Variants in DNM3 observed in about 807,000 individuals in gnomAD.
The protein encoded by DNM3 is dynamin-3.
In DNM3, 47 loss-of-function variants were observed where a neutral mutation model predicts 101.6. That is an observed-to-expected ratio of 0.46 (90% CI 0.37 to 0.59). The LOEUF is 0.59. DNM3 is among the 20% of genes least tolerant of loss of function. DNM3 has a pLI of 0.00. For synonymous variants in DNM3, 385 were observed against 387.9 expected (o/e 0.99, Z 0.09); for missense variants, 849 against 1,085.7 (o/e 0.78, Z 3.06).
chr1:172,308,674 G>T, intron 15 of DNM3, 54 bp from the exon 16 acceptor site: 3 of 918,702 alleles, frequency 3.3e-6, no homozygotes, highest in South Asian at 4.8e-5. Context: ...AACATAAAAT[G>T]ACTTTGAATT....
At chr1:171,860,638 G>A (rs1290162101) in intron 1 of DNM3, among the ~76,000 whole-genome samples, 5 of 152,048 alleles carry the variant, frequency 3.3e-5, no homozygotes, top group Non-Finnish European at 7.4e-5. Flanking sequence ...ATGGATTGGA[G>A]GCAGGCAAAG....
At chr1:171,917,539 C>T (rs1214761608) in intron 1 of DNM3, among the ~76,000 whole-genome samples, 3 of 152,074 alleles carry the variant, frequency 2.0e-5, no homozygotes, top group Admixed American at 6.6e-5. Context: ...TGAAGATTAA[C>T]GCTTTATTGA....
In DNM3 at chr1:172,033,254, G is replaced by T; in HGVS notation, c.838G>T (p.Val280Phe). Residue 280 changes from valine to phenylalanine, a missense_variant, in exon 6 of 21, where the codon GTC becomes TTC. Val to Phe is a conservative substitution (Grantham distance 50, BLOSUM62 -1). This residue lies in a region of DNM3 where 388 missense variants were observed against 483.0 expected (regional missense o/e 0.80). Coordinates refer to ENST00000627582, the MANE Select transcript of DNM3 (RefSeq NM_015569.5). ...DRMGTPHLQK[V>F]LNQQLTNHIR... ...AATGGGAACCCCACACCTGCAGAAGGTCCTTAATCAGGTAAAAATGTTCTT... is the reference window on the plus strand; with the variant it reads ...AATGGGAACCCCACACCTGCAGAAGTTCCTTAATCAGGTAAAAATGTTCTT... 1 of 1,598,508 alleles carries T rather than the reference G, an allele frequency of 6.3e-7. No individual in the cohort carries two copies. The highest frequency in any genetic ancestry group is 1.1e-5 in the South Asian group (1 of 88,280).
intron 10 of DNM3, among the ~76,000 whole-genome samples, chr1:172,052,208 TCACAGCCACACCC>T (rs2050253029): frequency 6.6e-6 from 1 of 152,166 alleles, no homozygotes; most frequent in Non-Finnish European, 1.5e-5. Context: ...TTACCTGTAT[TCACAGCCACACCC>T]CCTTCTTATC....
At chr1:172,262,802 T>C (rs1015522223) in intron 15 of DNM3, among the ~76,000 whole-genome samples, 2 of 152,226 alleles carry the variant, frequency 1.3e-5, no homozygotes, top group African/African-American at 4.8e-5. Flanking sequence ...TTTTCTTTGC[T>C]AGTGGATAGA....
chr1:172,265,492 A>G (rs745433546), intron 15 of DNM3, among the ~76,000 whole-genome samples: 2 of 152,172 alleles, frequency 1.3e-5, no homozygotes, highest in Non-Finnish European at 2.9e-5. Flanking sequence ...TCTTTTAAAG[A>G]TGGCATCATA....
intron 6 of DNM3, among the ~76,000 whole-genome samples, chr1:172,035,846 C>A (rs1270851635): frequency 1.3e-5 from 2 of 151,960 alleles, no homozygotes; most frequent in Non-Finnish European, 2.9e-5. Flanking sequence ...TTACTGCAAG[C>A]AAGGGGGTAA....
At chr1:172,005,793 T>G (rs530491241) in intron 4 of DNM3, among the ~76,000 whole-genome samples, 1 of 152,110 alleles carries the variant, frequency 6.6e-6, no homozygotes, top group Admixed American at 6.6e-5. Context: ...ATTGACTTAA[T>G]GGAAACTTTT....
At chr1:171,916,275 G>T (rs2039703082) in intron 1 of DNM3, among the ~76,000 whole-genome samples, 1 of 152,120 alleles carries the variant, frequency 6.6e-6, no homozygotes, top group African/African-American at 2.4e-5. Context: ...CATCTGTAAA[G>T]TAAGAATAAC....
Position 172,253,603 on chromosome 1 carries a change from G to A in DNM3, c.1690G>A (p.Asp564Asn). 6.3e-7 allele frequency: 1 copy of A among 1,587,182 alleles called. No individual in the cohort carries two copies. Among genetic ancestry groups the A allele is most frequent in the Non-Finnish European group, 8.6e-7 (1 of 1,167,094 alleles). ...EKEKKYMLPL[D>N]NLKVRDVEKS... Reference sequence around the variant, plus strand: ...AGAAAAGAAGTACATGCTTCCCTTGGACAACCTGAAAGTTCGGGATGTGGA... The same window carrying A: ...AGAAAAGAAGTACATGCTTCCCTTGAACAACCTGAAAGTTCGGGATGTGGA... Residue 564 changes from aspartate to asparagine, a missense_variant, in exon 15 of 21, where the codon GAC (aspartate) becomes AAC (asparagine). Around this residue, in one of 5 missense-constraint regions of DNM3, gnomAD observed 193 missense variants for 238.4 expected, o/e 0.81. Coordinates refer to ENST00000627582, the MANE Select transcript of DNM3 (RefSeq NM_015569.5).
chr1:172,042,909 C>T (rs1305611717), intron 8 of DNM3, among the ~76,000 whole-genome samples: 3 of 152,094 alleles, frequency 2.0e-5, no homozygotes, highest in Non-Finnish European at 4.4e-5. Context: ...GAATAGTATG[C>T]CTGCTGGATT....
chr1:172,056,597 C>G (rs1253784970), intron 10 of DNM3, among the ~76,000 whole-genome samples: 1 of 152,036 alleles, frequency 6.6e-6, no homozygotes, highest in Non-Finnish European at 1.5e-5. Flanking sequence ...ACACCTCACA[C>G]GGCAGGGTAC....
chr1:172,292,601 T>TCACA (rs3079013), intron 15 of DNM3, among the ~76,000 whole-genome samples: 48,812 of 148,548 alleles, frequency 0.33, 9,360 homozygotes, highest in East Asian at 0.45. Flanking sequence ...ATAGAAGACT[T>TCACA]CACACACACA....
intron 13 of DNM3, among the ~76,000 whole-genome samples, chr1:172,120,488 C>T (rs2056237151): frequency 6.6e-6 from 1 of 152,140 alleles, no homozygotes; most frequent in Non-Finnish European, 1.5e-5. Context: ...ACTTGAAAGC[C>T]TTCCCATTTC....
At chr1:172,024,766 C>T (rs2048082208) in intron 4 of DNM3, among the ~76,000 whole-genome samples, 1 of 152,200 alleles carries the variant, frequency 6.6e-6, no homozygotes, top group South Asian at 2.1e-4. Context: ...GGGTGCATTC[C>T]AGCTCAGATA....
Position 172,036,252 on chromosome 1 carries a change from G to A in DNM3, c.850-2067G>A, listed in dbSNP as rs1201360890. ...TTCCCACCTATGAGTGAGAACATGC[G>A]GTGTTTGGTTTTTTGTTCTTGCGAT... On this transcript the variant is annotated intron_variant, in intron 6 of 20. Coordinates refer to ENST00000627582, the MANE Select transcript of DNM3 (RefSeq NM_015569.5). Among the ~76,000 whole-genome samples, 14 of 144,360 alleles carry A rather than the reference G, an allele frequency of 9.7e-5. No individual in the cohort carries two copies. In the East Asian group the frequency reaches 1.0e-3, roughly 11 times the overall value. The allele number at this position is 144,360 out of a possible 152,430, so 94.7% of individuals were successfully genotyped here.
At chr1:172,104,538 G>A (rs1417268652) in intron 13 of DNM3, among the ~76,000 whole-genome samples, 3 of 151,894 alleles carry the variant, frequency 2.0e-5, no homozygotes, top group Non-Finnish European at 4.4e-5. Context: ...ATTTATAAGA[G>A]AATTTTGATA....
intron 1 of DNM3, among the ~76,000 whole-genome samples, chr1:171,883,368 C>A (rs1358382907): frequency 1.6e-4 from 1 of 6,078 alleles, no homozygotes; most frequent in South Asian, 0.015. Context: ...AAGGACCACA[C>A]ACACACACAC....
chr1:172,317,847 C>G (rs2065469804), intron 16 of DNM3, among the ~76,000 whole-genome samples: 1 of 146,386 alleles, frequency 6.8e-6, no homozygotes, highest in Non-Finnish European at 1.5e-5. Flanking sequence ...TGAAACTATT[C>G]CAATCAATAG....
Sources: allele counts gnomAD v4.1 joint callset (sites outside exome capture counted in the v4.1 genomes callset), GRCh38; gene constraint gnomAD v4.1.1; regional missense constraint gnomAD v4.1.1; transcripts MANE v1.5; gene names NCBI Gene and HGNC (gene_info 2026-07-23, HGNC 2026-07-21).